The following MAGI1 variants were observed in gnomAD, a reference collection of about 807,000 sequenced individuals.
The protein encoded by MAGI1 is membrane associated guanylate kinase, WW and PDZ domain containing 1.
A neutral mutation model predicts 139.9 loss-of-function variants in MAGI1; 58 were observed. The observed-to-expected ratio is 0.41, with a 90% CI of 0.34 to 0.52. The LOEUF is 0.52. MAGI1 is among the 20% of genes least tolerant of loss of function. The pLI is 0.12. For synonymous variants in MAGI1, 812 were observed against 737.9 expected, an observed-to-expected ratio of 1.10 and a Z score of -1.63; for missense variants, 1,874 against 1,901.6, an observed-to-expected ratio of 0.99 and a Z score of 0.27.
intron 1 of MAGI1, among the ~76,000 whole-genome samples, chr3:65,931,665 A>T (rs949202631): frequency 6.6e-6 from 1 of 152,204 alleles, no homozygotes; most frequent in African/African-American, 2.4e-5. Flanking sequence ...CCTTGTCTCA[A>T]CAACAACAGT....
intron 1 of MAGI1, among the ~76,000 whole-genome samples, chr3:66,032,726 G>A (rs1397386786): frequency 6.6e-6 from 1 of 151,394 alleles, no homozygotes; most frequent in Non-Finnish European, 1.5e-5. Context: ...GACCAGCCTG[G>A]GCAACATGGC....
chr3:65,419,694 A>G (rs1460977260), intron 12 of MAGI1, among the ~76,000 whole-genome samples: 1 of 152,100 alleles, frequency 6.6e-6, no homozygotes, highest in East Asian at 1.9e-4. Flanking sequence ...CTCAGCAAAG[A>G]TTCCTCCCAG....
At chr3:65,524,971 T>A in intron 2 of MAGI1, among the ~76,000 whole-genome samples, 1 of 152,182 alleles carries the variant, frequency 6.6e-6, no homozygotes. Context: ...AGGTGCAGCC[T>A]CACGTTTGTC....
intron 1 of MAGI1, among the ~76,000 whole-genome samples, chr3:65,916,470 C>T (rs896327933): frequency 2.4e-4 from 36 of 152,150 alleles, no homozygotes; most frequent in African/African-American, 8.5e-4. Context: ...GCACACCTTA[C>T]GTGGTGGCAC....
chr3:65,737,205 G>A (rs528140483), intron 1 of MAGI1, among the ~76,000 whole-genome samples: 7 of 152,168 alleles, frequency 4.6e-5, no homozygotes, highest in Non-Finnish European at 7.4e-5. Context: ...GGGTTTCACC[G>A]TGTTATAGCC....
At chr3:65,855,710 C>A (rs1433647544) in intron 1 of MAGI1, among the ~76,000 whole-genome samples, 1 of 147,040 alleles carries the variant, frequency 6.8e-6, no homozygotes, top group Non-Finnish European at 1.5e-5. Context: ...TAAATAAAAT[C>A]AGAAAGTAGG....
rs145383152 is a variant in MAGI1, at chr3:65,974,196, T to C, written c.313+63800A>G. Reference sequence around the variant, plus strand: ...CTAGATATTTTGCTCCTTCAAAGCATGGATTGTGGCAATCATCTTAGCATC... The same window carrying C: ...CTAGATATTTTGCTCCTTCAAAGCACGGATTGTGGCAATCATCTTAGCATC... On this transcript the variant is annotated intron_variant, in intron 1 of 22. Coordinates refer to ENST00000402939, the MANE Select transcript of MAGI1 (RefSeq NM_001033057.2). 3.7e-3 allele frequency among the ~76,000 whole-genome samples: 560 copies of C among 152,154 alleles called. 1 individual carries two copies. Among genetic ancestry groups the C allele is most frequent in the Non-Finnish European group, 6.3e-3 (430 of 68,018 alleles).
intron 1 of MAGI1, among the ~76,000 whole-genome samples, chr3:65,636,379 G>A (rs149058825): frequency 7.2e-5 from 11 of 152,188 alleles, no homozygotes; most frequent in African/African-American, 2.4e-4. Flanking sequence ...TTCCATAAAC[G>A]ATTATAATTT....
intron 1 of MAGI1, among the ~76,000 whole-genome samples, chr3:65,859,031 G>C (rs563576931): frequency 6.6e-6 from 1 of 152,244 alleles, no homozygotes; most frequent in African/African-American, 2.4e-5. Context: ...TGTGCTATGT[G>C]CTTTAAAAAT....
intron 2 of MAGI1, among the ~76,000 whole-genome samples, chr3:65,493,989 C>T (rs1271917543): frequency 6.6e-6 from 1 of 152,174 alleles, no homozygotes; most frequent in African/African-American, 2.4e-5. Flanking sequence ...CCAGTAAATA[C>T]TAAAAACGTA....
chr3:65,731,845 T>C (rs891865141), intron 1 of MAGI1, among the ~76,000 whole-genome samples: 1 of 152,062 alleles, frequency 6.6e-6, no homozygotes, highest in African/African-American at 2.4e-5. Flanking sequence ...GTAGCCAGAA[T>C]TGGAATATAA....
At chr3:65,677,081 G>C (rs1025507019) in intron 1 of MAGI1, among the ~76,000 whole-genome samples, 2 of 152,160 alleles carry the variant, frequency 1.3e-5, no homozygotes, top group Admixed American at 6.5e-5. Flanking sequence ...ATGAGAAAGA[G>C]ATAAACAATT....
intron 1 of MAGI1, among the ~76,000 whole-genome samples, chr3:65,664,127 T>C (rs931146436): frequency 2.0e-5 from 3 of 150,560 alleles, no homozygotes; most frequent in Admixed American, 6.6e-5. Context: ...CCAACTACTA[T>C]TGCAATGGGC....
At chr3:65,605,059 A>T (rs1435173758) in intron 2 of MAGI1, among the ~76,000 whole-genome samples, 1 of 152,208 alleles carries the variant, frequency 6.6e-6, no homozygotes, top group Non-Finnish European at 1.5e-5. Flanking sequence ...CTAATGAGAG[A>T]AGAACCATTC....
At chr3:65,956,560 T>A (rs2064136897) in intron 1 of MAGI1, among the ~76,000 whole-genome samples, 1 of 152,094 alleles carries the variant, frequency 6.6e-6, no homozygotes, top group African/African-American at 2.4e-5. Flanking sequence ...ACACAGAAAT[T>A]TAAAAAATTC....
At chr3:65,410,785 CTAA>C (rs1559532055) in intron 12 of MAGI1, among the ~76,000 whole-genome samples, 2,492 of 152,226 alleles carry the variant, frequency 0.016, 73 homozygotes, top group African/African-American at 0.056. Flanking sequence ...GCTACACATG[CTAA>C]AAATACAACG....
At position 65,907,055 on chromosome 3, in the gene MAGI1, C is replaced by CA. The variant is rs35828237; in HGVS notation, c.313+130940dup. 3.6e-3 allele frequency among the ~76,000 whole-genome samples: 416 copies of CA among 115,810 alleles called. 1 individual carries two copies. The highest frequency in any genetic ancestry group is 9.2e-3 in the Middle Eastern group (2 of 218). 76.0% of individuals were successfully genotyped at this position (115,810 alleles called of 152,430 possible). A position where few individuals can be genotyped will look rare whatever the true frequency, so the allele number is the denominator to read the frequency against. ...TGAGAAAAATCTTGCCTCTTGTTTACAAAAAAAAAAAAACACTCCACTTGG... is the reference window on the plus strand; with the variant it reads ...TGAGAAAAATCTTGCCTCTTGTTTACAAAAAAAAAAAAAACACTCCACTTGG... On this transcript the variant is annotated intron_variant, in intron 1 of 22. Coordinates refer to ENST00000402939, the MANE Select transcript of MAGI1 (RefSeq NM_001033057.2).
Position 65,394,106 on chromosome 3 carries a change from G to A in MAGI1, c.2200-2748C>T, listed in dbSNP as rs151149315. ...TCATGGGTTTTTGAAACCCTCTCAT[G>A]TCTGTCCCAGTATAAGAAATCCCTG... On this transcript the variant is annotated intron_variant, in intron 13 of 22. Transcript: ENST00000402939. 6.8e-3 allele frequency among the ~76,000 whole-genome samples: 1,028 copies of A among 152,262 alleles called. 34 individuals are homozygous for A. Among genetic ancestry groups the A allele is most frequent in the Admixed American group, 0.059 (898 of 15,288 alleles).
chr3:65,559,818 T>C (rs2080255159), intron 2 of MAGI1, among the ~76,000 whole-genome samples: 1 of 152,182 alleles, frequency 6.6e-6, no homozygotes, highest in Non-Finnish European at 1.5e-5. Context: ...GAGGATCCCT[T>C]GAGCTGAAGA....
Sources: allele counts gnomAD v4.1 joint callset (sites outside exome capture counted in the v4.1 genomes callset), GRCh38; gene constraint gnomAD v4.1.1; transcripts MANE v1.5; gene names NCBI Gene and HGNC (gene_info 2026-07-23, HGNC 2026-07-21).